HCFC2: variants seen among roughly 807,000 people sequenced by gnomAD.
HCFC2 encodes the protein host cell factor 2.
A neutral mutation model predicts 89.2 loss-of-function variants in HCFC2; 18 were observed. The ratio of observed to expected loss-of-function variants is 0.20; its 90% CI spans 0.14 to 0.30. HCFC2 has a LOEUF of 0.30. Ranked by LOEUF, HCFC2 falls within the 10% of genes least tolerant of loss-of-function variation. HCFC2 has a pLI of 1.00. For missense variants in HCFC2, 578 were observed against 956.1 expected, an observed-to-expected ratio of 0.60 and a Z score of 5.21; for synonymous variants, 308 against 335.7, an observed-to-expected ratio of 0.92 and a Z score of 0.90.
At chr12:104,066,504 A>G (rs1883153705) in intron 2 of HCFC2, among the ~76,000 whole-genome samples, 189 bp downstream of exon 2, 1 of 152,224 alleles carries the variant, frequency 6.6e-6, no homozygotes, top group Admixed American at 6.5e-5. Context: ...TTATAGCTTT[A>G]TAGAAAATGT....
At chr12:104,087,435 GTGTGTGTA>G (rs1189504350) in intron 8 of HCFC2, among the ~76,000 whole-genome samples, 3 of 99,790 alleles carry the variant, frequency 3.0e-5, no homozygotes, top group Non-Finnish European at 6.0e-5. Context: ...GTGTGTGTGT[GTGTGTGTA>G]TGTGTGTGTG....
chr12:104,088,405 A>C (rs1883928478), intron 9 of HCFC2, among the ~76,000 whole-genome samples: 1 of 152,254 alleles, frequency 6.6e-6, no homozygotes, highest in Non-Finnish European at 1.5e-5. Flanking sequence ...TCTAAATGTC[A>C]CACAAACAAA....
rs761597784 is a variant in HCFC2, at chr12:104,104,469, C to T, written c.*1196C>T. On this transcript the variant is annotated 3_prime_UTR_variant, in exon 15 of 15. Coordinates refer to ENST00000229330, the MANE Select transcript of HCFC2 (RefSeq NM_013320.3). Reference sequence around the variant, plus strand: ...TTAAATCTGGAATTAATATACAGAGCAATAATTGCAGAAAAGATATTTCAA... The same window carrying T: ...TTAAATCTGGAATTAATATACAGAGTAATAATTGCAGAAAAGATATTTCAA... 1 of 151,888 alleles carries T rather than the reference C, an allele frequency of 6.6e-6. No individual in the cohort carries two copies. The highest frequency in any genetic ancestry group is 1.5e-5 in the Non-Finnish European group (1 of 67,840). The allele number at this position is 151,888 out of a possible 1,614,324, so 9.4% of individuals were successfully genotyped here.
rs1251558260 is a variant in HCFC2, at chr12:104,095,056, A to C, written c.1463-304A>C. Among the ~76,000 whole-genome samples the C allele has an allele frequency of 6.6e-6, 1 of 152,104 alleles. No individual in the cohort carries two copies. The highest frequency in any genetic ancestry group is 2.4e-5 in the African/African-American group (1 of 41,396). On this transcript the variant is annotated intron_variant, in intron 10 of 14. Transcript: ENST00000229330. The surrounding 1 kb of genome is among the most constrained non-coding windows in gnomAD (Gnocchi z 4.2). ...AGATAATTCATGCTTAATGACCTCT[A>C]ATATTTTTTTCCTGAAATGAAGGGC...
At chr12:104,084,758 A>C (rs1883786055) in intron 7 of HCFC2, among the ~76,000 whole-genome samples, 1 of 152,230 alleles carries the variant, frequency 6.6e-6, no homozygotes, top group Non-Finnish European at 1.5e-5. Flanking sequence ...AAAGCGTTTT[A>C]GACTATAGTG....
chr12:104,078,599 A>G (rs951071116), intron 3 of HCFC2, among the ~76,000 whole-genome samples: 31 of 152,214 alleles, frequency 2.0e-4, no homozygotes, highest in Admixed American at 2.0e-3. Context: ...CATTTTTAGT[A>G]TGCCTCATTT....
chr12:104,073,124 A>T (rs994629429), intron 3 of HCFC2, among the ~76,000 whole-genome samples: 17 of 147,490 alleles, frequency 1.2e-4, no homozygotes, highest in Non-Finnish European at 1.9e-4. Context: ...ACATATATAT[A>T]TTTTTATATG....
rs1883210600 is a variant in HCFC2, at chr12:104,068,201, T to C, written c.473+94T>C. ...CTTTAATTTTTAAAAGGGATGATGCTTAGCTTTTTGCATTTCAACCTAACA... is the reference window on the plus strand; with the variant it reads ...CTTTAATTTTTAAAAGGGATGATGCCTAGCTTTTTGCATTTCAACCTAACA... On this transcript the variant is annotated intron_variant, in intron 3 of 14. Coordinates refer to ENST00000229330, the MANE Select transcript of HCFC2 (RefSeq NM_013320.3). This position sits in a 1 kb window ranked among gnomAD's most constrained non-coding sequence, Gnocchi z 4.1. 7 of 1,124,194 alleles carry C rather than the reference T, an allele frequency of 6.2e-6. No individual in the cohort carries two copies. The South Asian group carries it at 1.3e-4, about 21-fold the overall frequency. The allele number at this position is 1,124,194 out of a possible 1,614,324, so 69.6% of individuals were successfully genotyped here.
In HCFC2 at chr12:104,064,736, G is replaced by A; in HGVS notation, c.163+13G>A. On this transcript the variant is annotated intron_variant, in intron 1 of 14. Transcript: ENST00000229330. This position sits in a 1 kb window ranked among gnomAD's most constrained non-coding sequence, Gnocchi z 7.3. ...GTCTACAACACGGGTAGGCGCGGCGGCGGCTCGTCGGCCCCGCCTGCTGGA... is the reference window on the plus strand; with the variant it reads ...GTCTACAACACGGGTAGGCGCGGCGACGGCTCGTCGGCCCCGCCTGCTGGA... The A allele has an allele frequency of 6.5e-7, 1 of 1,547,212 alleles. No individual in the cohort carries two copies. The highest frequency in any genetic ancestry group is 1.2e-5 in the South Asian group (1 of 84,118).
chr12:104,065,459 G>T (rs1458471420), intron 1 of HCFC2, among the ~76,000 whole-genome samples: 1 of 152,206 alleles, frequency 6.6e-6, no homozygotes, highest in Non-Finnish European at 1.5e-5. Flanking sequence ...CCTTGTAAAT[G>T]CTCAGGCTGT....
At chr12:104,079,707 A>T in intron 4 of HCFC2, 54 bp downstream of exon 4, 1 of 1,344,716 alleles carries the variant, frequency 7.4e-7, no homozygotes, top group Non-Finnish European at 1.1e-6. Context: ...AAATGCTTTG[A>T]AAAATATTAT....
At chr12:104,085,862 T>G (rs1383693347) in intron 7 of HCFC2, among the ~76,000 whole-genome samples, 2 of 152,128 alleles carry the variant, frequency 1.3e-5, no homozygotes, top group Non-Finnish European at 2.9e-5. Flanking sequence ...TTAACTCTGT[T>G]AAATGATTCT....
chr12:104,080,075 C>T (rs1020700915), intron 4 of HCFC2, among the ~76,000 whole-genome samples: 1 of 152,152 alleles, frequency 6.6e-6, no homozygotes, highest in East Asian at 1.9e-4. Context: ...GTAGTTCTCT[C>T]TAAAGGGATC....
chr12:104,088,641 G>A (rs1190415016), intron 9 of HCFC2, among the ~76,000 whole-genome samples: 2 of 152,244 alleles, frequency 1.3e-5, no homozygotes, highest in African/African-American at 2.4e-5. Context: ...CAAGGAAATT[G>A]ATGTAGGTAT....
chr12:104,102,373 A>G (rs1171114835), intron 14 of HCFC2, among the ~76,000 whole-genome samples: 4 of 152,102 alleles, frequency 2.6e-5, no homozygotes, highest in African/African-American at 9.7e-5. Context: ...TACAAAGGTA[A>G]ATGAGTGTCA....
At chr12:104,102,814 A>G in intron 14 of HCFC2, 145 bp from the exon 15 acceptor site, 1 of 719,174 alleles carries the variant, frequency 1.4e-6, no homozygotes, top group East Asian at 2.8e-5. Context: ...GTAGGTTTTA[A>G]AAATCAACAA....
chr12:104,096,303 T>G lies in HCFC2; in HGVS notation c.1667-57T>G. Reference sequence around the variant, plus strand: ...ATTAAATATATATTTAAAAATTATATTTTAATGTATCTGATAAGTTATGTA... The same window carrying G: ...ATTAAATATATATTTAAAAATTATAGTTTAATGTATCTGATAAGTTATGTA... On this transcript the variant is annotated intron_variant, in intron 11 of 14. Transcript: ENST00000229330. The G allele has an allele frequency of 2.5e-6, 3 of 1,183,400 alleles. No homozygotes were observed. The South Asian group carries it at 4.9e-5, about 19-fold the overall frequency. 73.3% of individuals were successfully genotyped at this position (1,183,400 alleles called of 1,614,324 possible).
In HCFC2 at chr12:104,079,656, A is replaced by G. The variant is rs770985300; in HGVS notation, c.682+3A>G. The G allele has an allele frequency of 6.2e-7, 1 of 1,609,620 alleles. No homozygotes were observed. Among genetic ancestry groups the G allele is most frequent in the East Asian group, 2.2e-5 (1 of 44,828 alleles). On this transcript the variant is annotated splice_donor_region_variant and intron_variant, in intron 4 of 14. Coordinates refer to ENST00000229330, the MANE Select transcript of HCFC2 (RefSeq NM_013320.3). ...TGACCTATGGCAGCTTGACTTAGGT[A>G]AGTTTAACTTGATTCAGGCTCAGGA...
intron 9 of HCFC2, among the ~76,000 whole-genome samples, chr12:104,090,297 G>A (rs949682239): frequency 1.3e-5 from 2 of 152,090 alleles, no homozygotes; most frequent in Non-Finnish European, 2.9e-5. Context: ...TGTTGGTATT[G>A]AAAAGTGTGA....
Sources: gnomAD v4.1 joint callset for allele counts (sites outside exome capture counted in the v4.1 genomes callset) on GRCh38, gnomAD v4.1.1 for gene constraint, Gnocchi (gnomAD v3.1) non-coding constraint, MANE v1.5 for transcripts, NCBI Gene and HGNC (gene_info 2026-07-23, HGNC 2026-07-21) for gene names.